MIX23: variants seen among roughly 807,000 people sequenced by gnomAD.
MIX23 encodes protein MIX23.
MIX23 carries 13 observed loss-of-function variants against 21.6 expected under a neutral mutation model. The observed-to-expected ratio is 0.60, with a 90% CI of 0.39 to 0.96. MIX23 has a LOEUF of 0.96. Ranked by LOEUF, MIX23 falls within the 40% of genes least tolerant of loss-of-function variation. The probability of loss-of-function intolerance (pLI) is 0.00; values close to 1 mark genes in which losing one functional copy is unlikely to be tolerated. For synonymous variants in MIX23, 59 were observed against 58.0 expected (o/e 1.02, Z -0.08); for missense variants, 144 against 171.2 (o/e 0.84, Z 0.89).
intron 3 of MIX23, chr3:122,365,456 T>C (rs764592440): frequency 2.0e-5 from 3 of 152,186 alleles, no homozygotes; most frequent in Non-Finnish European, 2.9e-5. Flanking sequence ...TTCCATAATC[T>C]TCATAGCAAA....
chr3:122,375,344 A>T (rs1414664127), intron 1 of MIX23, among the ~76,000 whole-genome samples: 1 of 152,218 alleles, frequency 6.6e-6, no homozygotes, highest in Non-Finnish European at 1.5e-5. Flanking sequence ...TGGGGAAGGA[A>T]GAGACTTGGA....
Position 122,375,414 on chromosome 3 carries a change from T to C in MIX23, c.52-3614A>G, listed in dbSNP as rs116330988. ...AGGCTATCTGGTGATTACTGTTCATTGTCTGTATGTGGCAATAGTATGGTG... is the reference window on the plus strand; with the variant it reads ...AGGCTATCTGGTGATTACTGTTCATCGTCTGTATGTGGCAATAGTATGGTG... On this transcript the variant is annotated intron_variant, in intron 1 of 4. Coordinates refer to ENST00000291458, the MANE Select transcript of MIX23 (RefSeq NM_001017928.4). Among the ~76,000 whole-genome samples the C allele has an allele frequency of 4.8e-3, 730 of 152,340 alleles. 6 individuals carry two copies. Among genetic ancestry groups the C allele is most frequent in the African/African-American group, 0.017 (703 of 41,568 alleles).
intron 3 of MIX23, chr3:122,367,902 G>A (rs9818863): frequency 0.011 from 4,674 of 407,462 alleles, 203 homozygotes; most frequent in African/African-American, 0.088. Flanking sequence ...GTCTTTAATA[G>A]TGGGAAAGAA....
intron 1 of MIX23, among the ~76,000 whole-genome samples, chr3:122,378,293 A>G (rs962066914): frequency 1.3e-5 from 2 of 152,232 alleles, no homozygotes; most frequent in African/African-American, 2.4e-5. Context: ...AGCCCGATTC[A>G]TCTCCAATAA....
Position 122,359,882 on chromosome 3 carries a change from G to A in MIX23, c.422C>T (p.Pro141Leu). 7.7e-7 allele frequency: 1 copy of A among 1,305,466 alleles called. No homozygotes were observed. Among genetic ancestry groups the A allele is most frequent in the Non-Finnish European group, 1.0e-6 (1 of 952,564 alleles). The allele number at this position is 1,305,466 out of a possible 1,614,324, so 80.9% of individuals were successfully genotyped here. A position where few individuals can be genotyped will look rare whatever the true frequency, so the allele number is the denominator to read the frequency against. Reference protein sequence around the residue: ...NERCRIHFKPPKNE With the variant: ...NERCRIHFKPLKNE ...AAGAATCTCTCTTTATTCATTCTTTGGAGGCTTGAAGTGAATTCGGCAGCG... is the reference window on the plus strand; with the variant it reads ...AAGAATCTCTCTTTATTCATTCTTTAGAGGCTTGAAGTGAATTCGGCAGCG... The change falls in exon 5 of 5, where the codon CCA becomes CTA. Residue 141 changes from proline (P) to leucine (L), a missense_variant. Pro to Leu is a moderately conservative substitution (Grantham distance 98). Transcript: ENST00000291458.
intron 1 of MIX23, among the ~76,000 whole-genome samples, chr3:122,377,335 A>G (rs753456639): frequency 6.6e-6 from 1 of 152,232 alleles, no homozygotes; most frequent in Non-Finnish European, 1.5e-5. Flanking sequence ...AGAGTATGCC[A>G]GTCTGACACT....
intron 2 of MIX23, among the ~76,000 whole-genome samples, chr3:122,369,998 C>A (rs2075428405): frequency 6.6e-6 from 1 of 152,222 alleles, no homozygotes; most frequent in African/African-American, 2.4e-5. Context: ...GATCCTCTCA[C>A]CTCAGCCTCC....
rs762313780 is a variant in MIX23 at position 122,371,656 on chromosome 3, A to G, written c.177+19T>C. 3.1e-6 allele frequency: 5 copies of G among 1,611,048 alleles called. No individual in the cohort carries two copies. In the East Asian group the frequency reaches 1.1e-4, roughly 36 times the overall value. ...AAGAAAGGCATGAAAGAAGCAAAAG[A>G]CTCAAAAAATACACTTACAGACTCA... On this transcript the variant is annotated intron_variant, in intron 2 of 4. Coordinates refer to ENST00000291458, the MANE Select transcript of MIX23 (RefSeq NM_001017928.4).
chr3:122,362,466 ATTTTGTTTTG>A (rs1242650306), intron 4 of MIX23, among the ~76,000 whole-genome samples: 1 of 151,536 alleles, frequency 6.6e-6, no homozygotes, highest in African/African-American at 2.4e-5. Flanking sequence ...TATAAAGCTA[ATTTTGTTTTG>A]TTTTGTTTTG....
At chr3:122,370,456 CAAAAAA>C (rs10660235) in intron 2 of MIX23, among the ~76,000 whole-genome samples, 5 of 48,272 alleles carry the variant, frequency 1.0e-4, no homozygotes, top group African/African-American at 3.8e-4. Flanking sequence ...GACACTGTCT[CAAAAAA>C]AAAAAAAAAA....
intron 3 of MIX23, among the ~76,000 whole-genome samples, chr3:122,364,141 T>C (rs1056475139): frequency 6.6e-6 from 1 of 152,182 alleles, no homozygotes; most frequent in Non-Finnish European, 1.5e-5. Flanking sequence ...GTTTGAGAAA[T>C]TTGTGGCAAC....
Position 122,359,661 on chromosome 3 carries a change from A to G in MIX23, c.*208T>C. ...TTTTTTTTTTTACAGAATCAGTATAAAATAGCAGTTGATTTCTCCATAATT... is the reference window on the plus strand; with the variant it reads ...TTTTTTTTTTTACAGAATCAGTATAGAATAGCAGTTGATTTCTCCATAATT... On this transcript the variant is annotated 3_prime_UTR_variant, in exon 5 of 5. Transcript: ENST00000291458. The G allele has an allele frequency of 2.6e-6, 1 of 382,484 alleles. No individual in the cohort carries two copies. The highest frequency in any genetic ancestry group is 4.5e-6 in the Non-Finnish European group (1 of 220,784). The allele number at this position is 382,484 out of a possible 1,614,324, so 23.7% of individuals were successfully genotyped here. A position where few individuals can be genotyped will look rare whatever the true frequency, so the allele number is the denominator to read the frequency against.
At chr3:122,382,830 G>C (rs1417755115) in intron 1 of MIX23, among the ~76,000 whole-genome samples, 1 of 152,198 alleles carries the variant, frequency 6.6e-6, no homozygotes, top group Non-Finnish European at 1.5e-5. Flanking sequence ...ACAAAAGTAG[G>C]AGAGGAATGG....
At chr3:122,365,394 CAGAT>C (rs1444715224) in intron 3 of MIX23, 1 of 152,038 alleles carries the variant, frequency 6.6e-6, no homozygotes, top group Non-Finnish European at 1.5e-5. Context: ...TCTTTTTCCT[CAGAT>C]AGAAAATGAA....
intron 2 of MIX23, 99 bp from the exon 3 acceptor site, chr3:122,368,421 A>G: frequency 8.7e-7 from 1 of 1,154,868 alleles, no homozygotes; most frequent in Non-Finnish European, 1.2e-6. Flanking sequence ...GAAATTCAAT[A>G]CTTTCTAAAA....
intron 1 of MIX23, chr3:122,372,924 A>G (rs2075453705): frequency 5.6e-6 from 2 of 355,606 alleles, no homozygotes; most frequent in Admixed American, 7.4e-5. Flanking sequence ...TTCAATATTA[A>G]TATGTATTAA....
At chr3:122,377,317 T>C (rs2075495663) in intron 1 of MIX23, among the ~76,000 whole-genome samples, 1 of 152,132 alleles carries the variant, frequency 6.6e-6, no homozygotes, top group Non-Finnish European at 1.5e-5. Flanking sequence ...AAGAGTGGAA[T>C]AGAAAGTAGA....
chr3:122,375,934 T>C (rs1224752597), intron 1 of MIX23, among the ~76,000 whole-genome samples: 1 of 151,854 alleles, frequency 6.6e-6, no homozygotes, highest in Non-Finnish European at 1.5e-5. Flanking sequence ...GAGGCCAAGG[T>C]GGGTGGATCA....
Position 122,368,260 on chromosome 3 carries a change from T to C in MIX23, c.240A>G (p.Ala80=), listed in dbSNP as rs1403267173. 2.5e-6 allele frequency: 4 copies of C among 1,610,414 alleles called. No individual in the cohort carries two copies. The highest frequency in any genetic ancestry group is 3.4e-6 in the Non-Finnish European group (4 of 1,179,616). The stretch of plus-strand genomic sequence containing the variant: ...TCTCTTCTCGGAGGTTTTTTACTAC[T>C]GCTGAAGTCTGGGCTATACAGTTTT... ...VIKNCIAQTS[A]VVKNLREERE... is the part of the protein sequence containing the mutation. The change falls in exon 3 of 5, where the codon GCA becomes GCG. Residue 80 remains alanine (A), a synonymous_variant. Transcript: ENST00000291458.
Sources: allele counts gnomAD v4.1 joint callset (sites outside exome capture counted in the v4.1 genomes callset), GRCh38; gene constraint gnomAD v4.1.1; transcripts MANE v1.5; gene names NCBI Gene and HGNC (gene_info 2026-07-23, HGNC 2026-07-21).